RNF25: variants seen among roughly 807,000 people sequenced by gnomAD.
RNF25 encodes the protein E3 ubiquitin-protein ligase RNF25.
Under a neutral mutation model 65.0 loss-of-function variants are expected in RNF25, and 32 were observed. That is an observed-to-expected ratio of 0.49 (90% CI 0.37 to 0.66). The LOEUF is 0.66. Among genes scored for constraint, RNF25 ranks in the 30% least tolerant of loss-of-function variants. The pLI is 0.00. For missense variants in RNF25, 493 were observed against 584.8 expected (o/e 0.84, Z 1.62); for synonymous variants, 207 against 221.2 (o/e 0.94, Z 0.57).
chr2:218,665,572 G>A (rs546360941), intron 7 of RNF25, among the ~76,000 whole-genome samples: 7 of 151,972 alleles, frequency 4.6e-5, no homozygotes, highest in Admixed American at 2.6e-4. Flanking sequence ...GTGAAACCCC[G>A]TCTCTACTGA....
intron 1 of RNF25, among the ~76,000 whole-genome samples, chr2:218,669,907 G>C (rs1323105175): frequency 3.3e-5 from 5 of 152,116 alleles, no homozygotes; most frequent in South Asian, 2.1e-4. Flanking sequence ...CATGGCTCAA[G>C]GTGTCTCCCC....
chr2:218,668,325 T>A lies in RNF25; in HGVS notation c.133A>T (p.Ile45Phe). The change falls in exon 3 of 10, where the codon ATC (isoleucine) becomes TTC (phenylalanine). Residue 45 changes from isoleucine (I) to phenylalanine (F), a missense_variant. Physicochemically the swap from Ile to Phe is conservative, Grantham distance 21. This residue lies in a region of RNF25 where 108 missense variants were observed against 166.0 expected (regional missense o/e 0.65). Transcript: ENST00000295704. The stretch of plus-strand genomic sequence containing the variant: ...GTGGCAGGATGCAAAGTGATGTAGA[T>A]CTCCCATGGTGAAGTTCTGCAGGTG... Reference protein sequence around the residue: ...KGNGRTSPWEIYITLHPATAE... With the variant: ...KGNGRTSPWEFYITLHPATAE... 1.2e-6 allele frequency: 2 copies of A among 1,612,174 alleles called. No individual in the cohort carries two copies. Among genetic ancestry groups the A allele is most frequent in the Non-Finnish European group, 1.7e-6 (2 of 1,179,638 alleles).
chr2:218,664,703 T>A lies in RNF25; in HGVS notation c.801+36A>T. On this transcript the variant is annotated intron_variant, in intron 9 of 9. Coordinates refer to ENST00000295704, the MANE Select transcript of RNF25 (RefSeq NM_022453.3). The surrounding 1 kb of genome is among the most constrained non-coding windows in gnomAD (Gnocchi z 5.1). ...TGATTGGGGTTTGTAGAAAGGTTGGTGGCATTACAGGACAACTGGGAAGCC... is the reference window on the plus strand; with the variant it reads ...TGATTGGGGTTTGTAGAAAGGTTGGAGGCATTACAGGACAACTGGGAAGCC... The A allele has an allele frequency of 6.2e-7, 1 of 1,613,434 alleles. No individual in the cohort carries two copies. The highest frequency in any genetic ancestry group is 1.1e-5 in the South Asian group (1 of 91,004).
chr2:218,665,855 A>G, intron 7 of RNF25, 61 bp downstream of exon 7: 1 of 1,558,140 alleles, frequency 6.4e-7, no homozygotes, highest in Non-Finnish European at 8.7e-7. Flanking sequence ...AGAGATGGAA[A>G]AGTTTGTGAA....
chr2:218,671,492 A>G (rs765534929), intron 1 of RNF25, among the ~76,000 whole-genome samples: 1 of 152,106 alleles, frequency 6.6e-6, no homozygotes, highest in Non-Finnish European at 1.5e-5. Context: ...GTGCTGTGTG[A>G]GAGAGAGAAG....
intron 1 of RNF25, among the ~76,000 whole-genome samples, chr2:218,669,817 A>C (rs1939907959): frequency 6.6e-6 from 1 of 152,228 alleles, no homozygotes; most frequent in Non-Finnish European, 1.5e-5. Flanking sequence ...CACACCTCAC[A>C]GATAACAGTG....
At chr2:218,670,492 G>A (rs549978145) in intron 1 of RNF25, among the ~76,000 whole-genome samples, 202 of 151,878 alleles carry the variant, frequency 1.3e-3, no homozygotes, top group Non-Finnish European at 2.5e-3. Context: ...TCAGGAGATA[G>A]AGACCATCCT....
At chr2:218,667,811 C>A (rs1427298384) in intron 5 of RNF25, 101 bp downstream of exon 5, 2 of 1,100,166 alleles carry the variant, frequency 1.8e-6, no homozygotes, top group African/African-American at 1.6e-5. Flanking sequence ...CCTAATGACT[C>A]CAGATCCGTT....
Position 218,668,080 on chromosome 2 carries a change from T to A in RNF25, c.286A>T (p.Thr96Ser), listed in dbSNP as rs1939872451. The A allele has an allele frequency of 6.2e-7, 1 of 1,613,942 alleles. No homozygotes were observed. The highest frequency in any genetic ancestry group is 1.7e-5 in the Admixed American group (1 of 59,996). The change falls in exon 4 of 10, where the codon ACG becomes TCG. Residue 96 changes from threonine (T) to serine (S), a missense_variant and splice_region_variant. Coordinates refer to ENST00000295704, the MANE Select transcript of RNF25 (RefSeq NM_022453.3). ...PRGLSDEQIH[T>S]ILQVLGHVAK... is the part of the protein sequence containing the mutation. ...CCTGTTCTGACAGGTTCAACTTACG[T>A]GTGGATCTGTTCATCTGAAAGTCCT...
At position 218,663,901 on chromosome 2, in the gene RNF25, A is replaced by C; in HGVS notation, c.*56T>G. 1 of 1,353,482 alleles carries C rather than the reference A, an allele frequency of 7.4e-7. No individual in the cohort carries two copies. Among genetic ancestry groups the C allele is most frequent in the Non-Finnish European group, 9.8e-7 (1 of 1,025,090 alleles). The allele number at this position is 1,353,482 out of a possible 1,614,324, so 83.8% of individuals were successfully genotyped here. A position where few individuals can be genotyped will look rare whatever the true frequency, so the allele number is the denominator to read the frequency against. On this transcript the variant is annotated 3_prime_UTR_variant, in exon 10 of 10. Transcript: ENST00000295704. ...AGCAAAGAAAGCCAAAGAAGGCCAA[A>C]TATCTTTATTGCCTCCCTCCCATCC...
In RNF25 at chr2:218,664,053, G is replaced by A. The variant is rs753410912; in HGVS notation, c.1284C>T (p.Pro428=). ...VRWERSKGRT[P]GSSYPRLPRG... is the part of the protein sequence containing the mutation. ...GAGGCAGGCGAGGGTAGGAAGAACC[G>A]GGTGTCCGGCCTTTAGAGCGCTCCC... Residue 428 remains proline (P), a synonymous_variant, in exon 10 of 10, where the codon CCC becomes CCT. Transcript: ENST00000295704. The surrounding 1 kb of genome is among the most constrained non-coding windows in gnomAD (Gnocchi z 5.1). The A allele has an allele frequency of 2.4e-5, 36 of 1,502,784 alleles. No homozygotes were observed. Among genetic ancestry groups the A allele is most frequent in the Middle Eastern group, 3.6e-4 (2 of 5,562 alleles). The allele number at this position is 1,502,784 out of a possible 1,614,324, so 93.1% of individuals were successfully genotyped here. A position where few individuals can be genotyped will look rare whatever the true frequency, so the allele number is the denominator to read the frequency against.
At chr2:218,667,583 G>A (rs760420284) in intron 5 of RNF25, among the ~76,000 whole-genome samples, 1 of 152,062 alleles carries the variant, frequency 6.6e-6, no homozygotes, top group Non-Finnish European at 1.5e-5. Flanking sequence ...TGGCTAAGAC[G>A]CCCCCAAGCA....
chr2:218,665,603 C>T (rs1353818970), intron 7 of RNF25, among the ~76,000 whole-genome samples: 2 of 151,932 alleles, frequency 1.3e-5, no homozygotes, highest in Non-Finnish European at 2.9e-5. Flanking sequence ...ATCAGCTGGG[C>T]GTGGTGGCTC....
chr2:218,668,432 G>T, intron 2 of RNF25, 91 bp from the exon 3 acceptor site: 1 of 1,048,240 alleles, frequency 9.5e-7, no homozygotes, highest in Non-Finnish European at 1.5e-6. Flanking sequence ...GTGGGCAAAG[G>T]AAGTACACAT....
chr2:218,668,622 C>T lies in RNF25; in HGVS notation c.99G>A (p.Val33=). The change falls in exon 2 of 10, where the codon GTG becomes GTA. Residue 33 remains valine, a synonymous_variant. Transcript: ENST00000295704. ...ATACATACCTGCCATTTCCTTTAAT[C>T]ACCTGTAGTTCATCTAGATAGATGG... The part of the protein sequence containing the change: ...LESIYLDELQ[V]IKGNGRTSPW... 6.2e-7 allele frequency: 1 copy of T among 1,611,454 alleles called. No homozygotes were observed. The highest frequency in any genetic ancestry group is 8.5e-7 in the Non-Finnish European group (1 of 1,177,654).
intron 1 of RNF25, among the ~76,000 whole-genome samples, chr2:218,671,487 G>T (rs1429775623): frequency 6.6e-6 from 1 of 152,196 alleles, no homozygotes; most frequent in Non-Finnish European, 1.5e-5. Context: ...CACTAGTGCT[G>T]TGTGAGAGAG....
rs542389608 is a variant in RNF25 at position 218,667,939 on chromosome 2, G to A, written c.330C>T (p.Gly110=). Residue 110 remains glycine (G), a synonymous_variant, in exon 5 of 10, where the codon GGC becomes GGT. Coordinates refer to ENST00000295704, the MANE Select transcript of RNF25 (RefSeq NM_022453.3). ...VLGHVAKAGL[G]TAMLYELIEK... is the part of the protein sequence containing the mutation. ...CAATGAGTTCATACAGCATGGCAGT[G>A]CCCAGCCCAGCCTTGGCCACGTGGC... 3 of 1,614,166 alleles carry A rather than the reference G, an allele frequency of 1.9e-6. No homozygotes were observed. In the Admixed American group the frequency reaches 5.0e-5, roughly 27 times the overall value.
Position 218,668,118 on chromosome 2 carries a change from A to G in RNF25, c.248T>C (p.Ile83Thr), listed in dbSNP as rs926231142. The change falls in exon 4 of 10, where the codon ATC becomes ACC. Residue 83 changes from isoleucine to threonine, a missense_variant. By Grantham distance (89) the Ile-to-Thr change is moderately conservative. This residue lies in a region of RNF25 where 108 missense variants were observed against 166.0 expected (regional missense o/e 0.65). Transcript: ENST00000295704. ...ATCTGAAAGTCCTCGGGGATTTCGG[A>G]TAGAGATCTGTGGCACCTCATGGGG... Reference protein sequence around the residue: ...EYPHEVPQISIRNPRGLSDEQ... With the variant: ...EYPHEVPQISTRNPRGLSDEQ... 2.5e-6 allele frequency: 4 copies of G among 1,614,182 alleles called. No individual in the cohort carries two copies. The highest frequency in any genetic ancestry group is 3.4e-6 in the Non-Finnish European group (4 of 1,180,018).
chr2:218,664,332 AGCTTTCTGGGTTTC>A lies in RNF25; in HGVS notation c.991_1004del (p.Glu331TyrfsTer29). ...GACTGGGCTTGGGGGGATCTAGCAT[AGCTTTCTGGGTTTC>A]GCCCAACCTTTGCTGATTTGACCTG... is the stretch of plus-strand genomic sequence containing the variant. On this transcript the variant is annotated frameshift_variant, in exon 10 of 10. Transcript: ENST00000295704. LOFTEE classifies it high-confidence loss of function. The surrounding 1 kb of genome is among the most constrained non-coding windows in gnomAD (Gnocchi z 5.1). 1 of 1,614,030 alleles carries A rather than the reference AGCTTTCTGGGTTTC, an allele frequency of 6.2e-7. No individual in the cohort carries two copies. Among genetic ancestry groups the A allele is most frequent in the Non-Finnish European group, 8.5e-7 (1 of 1,179,984 alleles).
Sources: gnomAD v4.1 joint callset for allele counts (sites outside exome capture counted in the v4.1 genomes callset) on GRCh38, gnomAD v4.1.1 for gene constraint, gnomAD v4.1.1 regional missense constraint, Gnocchi (gnomAD v3.1) non-coding constraint, MANE v1.5 for transcripts, NCBI Gene and HGNC (gene_info 2026-07-23, HGNC 2026-07-21) for gene names.